Variants in DST observed in about 807,000 individuals in gnomAD.
The protein encoded by DST is dystonin.
A neutral mutation model predicts 875.2 loss-of-function variants in DST; 253 were observed. The ratio of observed to expected loss-of-function variants is 0.29; its 90% confidence interval spans 0.26 to 0.32. The LOEUF (loss-of-function observed/expected upper bound fraction) is 0.32, where lower values mean the gene tolerates loss of function less well. Ranked by LOEUF, DST falls within the 10% of genes least tolerant of loss-of-function variation. The pLI, the probability that DST is intolerant of heterozygous loss-of-function variation, is 1.00. For synonymous variants in DST, 3,124 were observed against 3,197.1 expected, an observed-to-expected ratio of 0.98 and a Z score of 0.77; for missense variants, 8,287 against 9,111.6, an observed-to-expected ratio of 0.91 and a Z score of 3.68.
intron 49 of DST, among the ~76,000 whole-genome samples, chr6:56,587,074 G>A (rs1298589946): frequency 6.6e-6 from 1 of 152,150 alleles, no homozygotes; most frequent in Non-Finnish European, 1.5e-5. Flanking sequence ...TGACTTTGAC[G>A]AGTTGAGAGA....
chr6:56,520,273 T>C (rs1316865602), intron 69 of DST, among the ~76,000 whole-genome samples: 3 of 152,166 alleles, frequency 2.0e-5, no homozygotes, highest in Non-Finnish European at 4.4e-5. Flanking sequence ...ACAAAAGTCC[T>C]AATATTCATG....
intron 28 of DST, 139 bp downstream of exon 28, chr6:56,632,715 T>G: frequency 1.4e-6 from 1 of 715,206 alleles, no homozygotes; most frequent in Non-Finnish European, 2.4e-6. Context: ...AAACATGCTT[T>G]TACCGTTCCA....
intron 3 of DST, among the ~76,000 whole-genome samples, chr6:56,859,291 C>A (rs1199335118): frequency 6.6e-6 from 1 of 152,146 alleles, no homozygotes; most frequent in African/African-American, 2.4e-5. Context: ...CCCACACCTC[C>A]ATAAATCTCC....
At chr6:56,594,309 T>C in intron 47 of DST, 116 bp from the exon 48 acceptor site, 1 of 770,536 alleles carries the variant, frequency 1.3e-6, no homozygotes, top group Non-Finnish European at 2.0e-6. Flanking sequence ...TACAACTTGC[T>C]TCTCATTCCC....
intron 69 of DST, among the ~76,000 whole-genome samples, chr6:56,524,374 T>C (rs2096759599): frequency 6.6e-6 from 1 of 152,046 alleles, no homozygotes; most frequent in Non-Finnish European, 1.5e-5. Context: ...TACCTCCACT[T>C]TGTTGTAATA....
intron 2 of DST, among the ~76,000 whole-genome samples, chr6:56,926,053 C>T (rs1806919228): frequency 6.6e-6 from 1 of 152,030 alleles, no homozygotes; most frequent in Non-Finnish European, 1.5e-5. Context: ...GAAAAGCATC[C>T]ACAATGTGAA....
chr6:56,683,525 T>C (rs1440951347), intron 9 of DST, among the ~76,000 whole-genome samples: 2 of 152,310 alleles, frequency 1.3e-5, no homozygotes, highest in African/African-American at 4.8e-5. Flanking sequence ...CGGTAGTTTG[T>C]TCAAGCTACT....
intron 4 of DST, among the ~76,000 whole-genome samples, chr6:56,770,315 T>A (rs1254132181): frequency 6.6e-6 from 1 of 152,204 alleles, no homozygotes; most frequent in Admixed American, 6.5e-5. Context: ...CCAGGCCTCA[T>A]GGTATTGGTG....
chr6:56,502,693 A>G (rs1378213836), intron 78 of DST, among the ~76,000 whole-genome samples: 2 of 152,166 alleles, frequency 1.3e-5, no homozygotes, highest in East Asian at 1.9e-4. Context: ...TACATAAAGT[A>G]TATCATATGT....
intron 2 of DST, among the ~76,000 whole-genome samples, chr6:56,947,651 C>A (rs1017877298): frequency 3.3e-5 from 5 of 152,220 alleles, no homozygotes; most frequent in Admixed American, 2.0e-4. Context: ...ATACACGAAT[C>A]ATTTTTATTA....
At chr6:56,890,470 A>G (rs1786859007) in intron 3 of DST, among the ~76,000 whole-genome samples, 1 of 152,254 alleles carries the variant, frequency 6.6e-6, no homozygotes, top group Non-Finnish European at 1.5e-5. Flanking sequence ...CATCCTAGTG[A>G]CATATCTTAA....
chr6:56,874,222 C>T (rs1252981846), intron 3 of DST, among the ~76,000 whole-genome samples: 1 of 151,970 alleles, frequency 6.6e-6, no homozygotes, highest in African/African-American at 2.4e-5. Context: ...ACCTGTAATC[C>T]CAACACTTTG....
At chr6:56,895,088 T>C (rs1168145382) in intron 3 of DST, among the ~76,000 whole-genome samples, 3 of 94,390 alleles carry the variant, frequency 3.2e-5, no homozygotes, top group Non-Finnish European at 6.1e-5. Flanking sequence ...GGCTCCTCAC[T>C]TCCCAGTAGG....
intron 4 of DST, among the ~76,000 whole-genome samples, chr6:56,795,533 A>T (rs1275135828): frequency 6.6e-6 from 1 of 152,204 alleles, no homozygotes; most frequent in Non-Finnish European, 1.5e-5. Flanking sequence ...CAGCAATGAG[A>T]GACAAAGAAA....
intron 10 of DST, among the ~76,000 whole-genome samples, chr6:56,652,092 T>G (rs1218904487): frequency 6.6e-6 from 1 of 152,188 alleles, no homozygotes; most frequent in Non-Finnish European, 1.5e-5. Context: ...AGCACACATG[T>G]GTGCATGTGC....
intron 61 of DST, among the ~76,000 whole-genome samples, chr6:56,544,584 A>AT (rs1250409167): frequency 1.3e-5 from 2 of 152,248 alleles, no homozygotes; most frequent in Non-Finnish European, 2.9e-5. Flanking sequence ...TTGTAAAGAC[A>AT]TAGCCACCAC....
At chr6:56,599,957 G>T in intron 45 of DST, 112 bp downstream of exon 45, 4 of 1,038,172 alleles carry the variant, frequency 3.9e-6, no homozygotes, top group Middle Eastern at 2.1e-4. Flanking sequence ...GGTATGCCTT[G>T]CTTCTAAAAA....
At chr6:56,925,934 T>C (rs1433412516) in intron 2 of DST, among the ~76,000 whole-genome samples, 2 of 152,192 alleles carry the variant, frequency 1.3e-5, no homozygotes, top group African/African-American at 2.4e-5. Flanking sequence ...AAAAGCTAAA[T>C]TACTATAAAG....
At chr6:56,673,084 G>A (rs2099110372) in intron 9 of DST, among the ~76,000 whole-genome samples, 1 of 151,786 alleles carries the variant, frequency 6.6e-6, no homozygotes, top group South Asian at 2.1e-4. Context: ...GTGAGACCCT[G>A]TCTCTATTAA....
Sources: gnomAD v4.1 joint callset for allele counts (sites outside exome capture counted in the v4.1 genomes callset) on GRCh38, gnomAD v4.1.1 for gene constraint, MANE v1.5 for transcripts, NCBI Gene and HGNC (gene_info 2026-07-23, HGNC 2026-07-21) for gene names.